Variants in MYO1D observed in about 807,000 individuals in gnomAD.
MYO1D encodes unconventional myosin-Id.
MYO1D carries 83 observed loss-of-function variants against 122.0 expected under a neutral mutation model. The observed-to-expected ratio is 0.68, with a 90% CI of 0.57 to 0.82. MYO1D has a LOEUF of 0.82. Among genes scored for constraint, MYO1D ranks in the 40% least tolerant of loss-of-function variants. The probability of loss-of-function intolerance (pLI) is 0.00; values close to 1 mark genes in which losing one functional copy is unlikely to be tolerated. For synonymous variants in MYO1D, 464 were observed against 446.9 expected (o/e 1.04, Z -0.48); for missense variants, 1,157 against 1,269.5 (o/e 0.91, Z 1.35).
intron 21 of MYO1D, among the ~76,000 whole-genome samples, chr17:32,568,753 G>T (rs1315692708): frequency 3.3e-5 from 5 of 152,164 alleles, no homozygotes. Flanking sequence ...AGAGGGATCT[G>T]CCCTTTCCGT....
chr17:32,671,388 A>G (rs764484547), intron 16 of MYO1D, among the ~76,000 whole-genome samples: 6 of 152,218 alleles, frequency 3.9e-5, no homozygotes, highest in Non-Finnish European at 8.8e-5. Context: ...CAAAGGGGCC[A>G]AGAAAAATCC....
intron 15 of MYO1D, among the ~76,000 whole-genome samples, chr17:32,716,957 C>A (rs1328212331): frequency 6.6e-6 from 1 of 152,222 alleles, no homozygotes; most frequent in African/African-American, 2.4e-5. Context: ...ATCCTTCTCT[C>A]TTTTCTCAGT....
At chr17:32,532,071 C>T (rs1910521929) in intron 21 of MYO1D, among the ~76,000 whole-genome samples, 1 of 152,240 alleles carries the variant, frequency 6.6e-6, no homozygotes, top group Non-Finnish European at 1.5e-5. Context: ...AGGACATTCT[C>T]AAGGTCCTGC....
intron 1 of MYO1D, among the ~76,000 whole-genome samples, chr17:32,863,805 T>C (rs2091098238): frequency 6.6e-6 from 1 of 152,168 alleles, no homozygotes; most frequent in Non-Finnish European, 1.5e-5. Flanking sequence ...TCATTTGATA[T>C]AATAATCTTG....
chr17:32,670,292 G>C (rs2088696687), intron 16 of MYO1D, among the ~76,000 whole-genome samples: 1 of 152,184 alleles, frequency 6.6e-6, no homozygotes, highest in African/African-American at 2.4e-5. Context: ...TTACAGAAGA[G>C]AATGCTCTTG....
intron 19 of MYO1D, among the ~76,000 whole-genome samples, chr17:32,643,222 C>T (rs1567925483): frequency 2.0e-5 from 3 of 152,118 alleles, no homozygotes; most frequent in African/African-American, 2.4e-5. Context: ...TGCTGGATTA[C>T]GTTTACTGAT....
chr17:32,833,514 G>A (rs769415178), intron 1 of MYO1D, among the ~76,000 whole-genome samples: 1 of 152,104 alleles, frequency 6.6e-6, no homozygotes, highest in South Asian at 2.1e-4. Context: ...GAGTAATTCC[G>A]TTAACATGTA....
At chr17:32,848,937 G>A (rs2090961302) in intron 1 of MYO1D, among the ~76,000 whole-genome samples, 1 of 152,136 alleles carries the variant, frequency 6.6e-6, no homozygotes, top group African/African-American at 2.4e-5. Context: ...TTACGTACCT[G>A]TGCAAAGTTA....
intron 14 of MYO1D, among the ~76,000 whole-genome samples, chr17:32,727,047 G>A (rs987511415): frequency 2.6e-5 from 4 of 152,094 alleles, no homozygotes; most frequent in Admixed American, 6.6e-5. Context: ...AAATAATAAA[G>A]AGAATAAATA....
At chr17:32,618,908 T>C (rs2087815702) in intron 20 of MYO1D, among the ~76,000 whole-genome samples, 3 of 152,172 alleles carry the variant, frequency 2.0e-5, no homozygotes, top group African/African-American at 7.2e-5. Context: ...GTGCTGGGAT[T>C]ACAGGCGTGA....
At chr17:32,640,476 TC>T (rs2088181023) in intron 19 of MYO1D, among the ~76,000 whole-genome samples, 1 of 71,754 alleles carries the variant, frequency 1.4e-5, no homozygotes, top group Non-Finnish European at 2.6e-5. Context: ...CCCTCCCCCC[TC>T]CCCCCACCCC....
intron 19 of MYO1D, among the ~76,000 whole-genome samples, chr17:32,645,893 T>G (rs929631156): frequency 2.1e-4 from 32 of 152,258 alleles, no homozygotes; most frequent in Non-Finnish European, 4.1e-4. Flanking sequence ...GAAGCCTTCT[T>G]CTCTCAGCTC....
At chr17:32,508,929 G>A (rs1597863879) in intron 21 of MYO1D, among the ~76,000 whole-genome samples, 1 of 152,194 alleles carries the variant, frequency 6.6e-6, no homozygotes, top group Non-Finnish European at 1.5e-5. Context: ...ACAGCTCCTC[G>A]TGCAGTGTCT....
intron 21 of MYO1D, among the ~76,000 whole-genome samples, chr17:32,567,354 T>G (rs225206): frequency 0.52 from 79,036 of 152,078 alleles, 20,729 homozygotes; most frequent in South Asian, 0.65. Flanking sequence ...TAATAATCAC[T>G]ATGACAACAG....
intron 21 of MYO1D, among the ~76,000 whole-genome samples, chr17:32,604,563 G>A (rs2087603785): frequency 6.6e-6 from 1 of 152,134 alleles, no homozygotes; most frequent in South Asian, 2.1e-4. Flanking sequence ...TCACCCCCCT[G>A]CCCCAGGTAT....
At chr17:32,522,951 G>C (rs1304232937) in intron 21 of MYO1D, among the ~76,000 whole-genome samples, 4 of 152,064 alleles carry the variant, frequency 2.6e-5, no homozygotes, top group Non-Finnish European at 5.9e-5. Context: ...CGAGTAGCTG[G>C]GACTACAGGT....
At chr17:32,772,744 C>T in intron 5 of MYO1D, 45 bp downstream of exon 5, 1 of 1,468,022 alleles carries the variant, frequency 6.8e-7, no homozygotes, top group Non-Finnish European at 9.5e-7. Flanking sequence ...TCATTTCCTG[C>T]ACAACTGGGC....
intron 14 of MYO1D, among the ~76,000 whole-genome samples, chr17:32,736,157 A>C (rs2151001404): frequency 6.7e-6 from 1 of 148,278 alleles, no homozygotes; most frequent in East Asian, 2.0e-4. Flanking sequence ...TCTTCTGCTT[A>C]TCTCTGCTCC....
rs1302771863 is a variant in MYO1D at position 32,654,594 on chromosome 17, G to A, written c.2373C>T (p.Ser791=). 6.2e-7 allele frequency: 1 copy of A among 1,612,382 alleles called. No individual in the cohort carries two copies. Among genetic ancestry groups the A allele is most frequent in the Non-Finnish European group, 8.5e-7 (1 of 1,179,410 alleles). Residue 791 remains serine, a synonymous_variant, in exon 18 of 22, where the codon AGC becomes AGT. Coordinates refer to ENST00000318217, the MANE Select transcript of MYO1D (RefSeq NM_015194.3). ...NRWRASQLIK[S]IPASDLPQVR... ...CCTGGGGCAGGTCTGAGGCCGGAAT[G>A]CTCTTGATGAGCTGGGATGCTCTCC...
Sources: allele counts gnomAD v4.1 joint callset (sites outside exome capture counted in the v4.1 genomes callset), GRCh38; gene constraint gnomAD v4.1.1; transcripts MANE v1.5; gene names NCBI Gene and HGNC (gene_info 2026-07-23, HGNC 2026-07-21).